PCDHGA1: variants seen among roughly 807,000 people sequenced by gnomAD.
PCDHGA1 encodes the protein protocadherin gamma-A1.
PCDHGA1 carries 32 observed loss-of-function variants against 58.0 expected under a neutral mutation model. The observed-to-expected ratio is 0.55, with a 90% confidence interval of 0.42 to 0.74. The LOEUF is 0.74. Ranked by LOEUF, PCDHGA1 falls within the 30% of genes least tolerant of loss-of-function variation. PCDHGA1 has a pLI of 0.00. For synonymous variants in PCDHGA1, 498 were observed against 501.1 expected (o/e 0.99, Z 0.08); for missense variants, 1,205 against 1,182.3 (o/e 1.02, Z -0.28).
At position 141,413,701 on chromosome 5, in the gene PCDHGA1, C is replaced by T. The variant is rs764950275; in HGVS notation, c.2421+80596C>T. 1.1e-4 allele frequency: 177 copies of T among 1,613,654 alleles called. No individual in the cohort carries two copies. The Admixed American group carries it at 2.9e-3, about 27-fold the overall frequency. On this transcript the variant is annotated intron_variant, in intron 1 of 3. Coordinates refer to ENST00000517417, the MANE Select transcript of PCDHGA1 (RefSeq NM_018912.3). ...CGTGAACTCCCTGCAGAGCTATCAG[C>T]TCAGCCCCAATAAGCACTTCTCCCT...
At chr5:141,496,048 G>A (rs1327057788) in intron 2 of PCDHGA1, among the ~76,000 whole-genome samples, 1 of 148,400 alleles carries the variant, frequency 6.7e-6, no homozygotes, top group Non-Finnish European at 1.5e-5. Context: ...TCATTTTTTT[G>A]TGCTTGTGGG....
chr5:141,381,720 T>G (rs1777381403), intron 1 of PCDHGA1, among the ~76,000 whole-genome samples: 1 of 152,132 alleles, frequency 6.6e-6, no homozygotes, highest in Non-Finnish European at 1.5e-5. Context: ...CTCACAAGAC[T>G]GGGAGTGAGA....
At chr5:141,420,634 G>A (rs891111955) in intron 1 of PCDHGA1, among the ~76,000 whole-genome samples, 2 of 152,080 alleles carry the variant, frequency 1.3e-5, no homozygotes, top group African/African-American at 4.8e-5. Context: ...CTCAATAAAG[G>A]AACCTTGTAA....
At chr5:141,461,963 C>T (rs1396490046) in intron 1 of PCDHGA1, among the ~76,000 whole-genome samples, 1 of 152,084 alleles carries the variant, frequency 6.6e-6, no homozygotes, top group Non-Finnish European at 1.5e-5. Flanking sequence ...AGCTGGGATT[C>T]CAGGCATATG....
chr5:141,406,253 C>CA (rs2094783585), intron 1 of PCDHGA1, among the ~76,000 whole-genome samples: 1 of 151,976 alleles, frequency 6.6e-6, no homozygotes, highest in Admixed American at 6.6e-5. Flanking sequence ...AGACTGGTCT[C>CA]AAACGATCTT....
At position 141,355,337 on chromosome 5, in the gene PCDHGA1, G is replaced by A. The variant is rs368596451; in HGVS notation, c.2421+22232G>A. 5.6e-6 allele frequency: 9 copies of A among 1,613,898 alleles called. No homozygotes were observed. The African/African-American group carries it at 1.1e-4, about 19-fold the overall frequency. ...GAGCAGGAAGAAGGCTCAGTGGTGG[G>A]CAACATCGCCAAGGACCTGGGGTTG... On this transcript the variant is annotated intron_variant, in intron 1 of 3. Transcript: ENST00000517417.
chr5:141,393,043 T>C (rs770560068), intron 1 of PCDHGA1: 1 of 1,613,732 alleles, frequency 6.2e-7, no homozygotes, highest in South Asian at 1.1e-5. Context: ...CTCTTTGCTC[T>C]GAACCCGCGC....
In PCDHGA1 at chr5:141,485,865, C is replaced by T. The variant is rs1214425261; in HGVS notation, c.2422-8942C>T. The stretch of plus-strand genomic sequence containing the variant: ...TCTGGCACCGCAGAGCTCCGGGTAT[C>T]CGTGCTGGACGTAAACGACAACGCC... On this transcript the variant is annotated intron_variant, in intron 1 of 3. Transcript: ENST00000517417. The surrounding 1 kb of genome is among the most constrained non-coding windows in gnomAD (Gnocchi z 5.7). 23 of 1,614,182 alleles carry T rather than the reference C, an allele frequency of 1.4e-5. No homozygotes were observed. Among genetic ancestry groups the T allele is most frequent in the Non-Finnish European group, 1.8e-5 (21 of 1,180,034 alleles).
At chr5:141,495,015 G>C in intron 2 of PCDHGA1, 150 bp downstream of exon 2, 2 of 1,507,428 alleles carry the variant, frequency 1.3e-6, no homozygotes, top group East Asian at 4.9e-5. Flanking sequence ...CGGGGGGCTG[G>C]CACACAGACC....
Position 141,413,878 on chromosome 5 carries a change from A to G in PCDHGA1, c.2421+80773A>G, listed in dbSNP as rs752517949. ...ATCTGGCACTGTCCTTGTCAGTGTGACTGTCTTCGATGCAAATGACAACGC... is the reference window on the plus strand; with the variant it reads ...ATCTGGCACTGTCCTTGTCAGTGTGGCTGTCTTCGATGCAAATGACAACGC... On this transcript the variant is annotated intron_variant, in intron 1 of 3. Coordinates refer to ENST00000517417, the MANE Select transcript of PCDHGA1 (RefSeq NM_018912.3). 2.5e-6 allele frequency: 4 copies of G among 1,613,272 alleles called. No individual in the cohort carries two copies. The South Asian group carries it at 3.3e-5, about 13-fold the overall frequency.
At chr5:141,458,803 G>A (rs2098953701) in intron 1 of PCDHGA1, among the ~76,000 whole-genome samples, 2 of 152,130 alleles carry the variant, frequency 1.3e-5, no homozygotes, top group African/African-American at 4.8e-5. Flanking sequence ...TGTGATCTCA[G>A]CTCACTGCAA....
chr5:141,423,101 G>A (rs757127033), intron 1 of PCDHGA1: 3 of 1,613,966 alleles, frequency 1.9e-6, no homozygotes, highest in South Asian at 1.1e-5. Context: ...GAGCACACGG[G>A]CGAGGTGCGT....
At chr5:141,414,748 G>T (rs765780935) in intron 1 of PCDHGA1, 1 of 1,614,182 alleles carries the variant, frequency 6.2e-7, no homozygotes, top group South Asian at 1.1e-5. Context: ...CAGATCCTTC[G>T]ACTATGAGCA....
intron 1 of PCDHGA1, chr5:141,384,091 A>G: frequency 3.1e-6 from 5 of 1,595,856 alleles, no homozygotes; most frequent in South Asian, 1.1e-5. Flanking sequence ...AGAAAAATCA[A>G]TAGATAATTA....
At chr5:141,425,413 T>G (rs2096873899) in intron 1 of PCDHGA1, among the ~76,000 whole-genome samples, 1 of 152,202 alleles carries the variant, frequency 6.6e-6, no homozygotes, top group African/African-American at 2.4e-5. Context: ...AGGTATAACA[T>G]ATAGTCCCAT....
chr5:141,426,756 G>A, intron 1 of PCDHGA1: 1 of 456,302 alleles, frequency 2.2e-6, no homozygotes. Context: ...ATCTGCTATA[G>A]ATGCAGATGT....
Position 141,332,052 on chromosome 5 carries a change from C to T in PCDHGA1, c.1368C>T (p.Ser456=). 6.2e-7 allele frequency: 1 copy of T among 1,614,136 alleles called. No individual in the cohort carries two copies. Among genetic ancestry groups the T allele is most frequent in the Non-Finnish European group, 8.5e-7 (1 of 1,180,022 alleles). Residue 456 remains serine, a synonymous_variant, in exon 1 of 4, where the codon TCC becomes TCT. Transcript: ENST00000517417. This position sits in a 1 kb window ranked among gnomAD's most constrained non-coding sequence, Gnocchi z 4.6. ...ACTCCCCAGTCTTCCATCAGGACTC[C>T]TACTCTGCCTACATTCCCGAAAACA... The part of the protein sequence containing the change: ...NDNSPVFHQD[S]YSAYIPENNP...
chr5:141,394,302 C>T (rs1380425662), intron 1 of PCDHGA1: 1 of 1,614,010 alleles, frequency 6.2e-7, no homozygotes, highest in Non-Finnish European at 8.5e-7. Flanking sequence ...GGACACGCTG[C>T]AGGGGGCGCC....
intron 1 of PCDHGA1, chr5:141,346,052 C>G: frequency 6.2e-7 from 1 of 1,613,460 alleles, no homozygotes; most frequent in South Asian, 1.1e-5. Flanking sequence ...ACATCCTGGC[C>G]GACCTGGGCA....
Sources: gnomAD v4.1 joint callset for allele counts (sites outside exome capture counted in the v4.1 genomes callset) on GRCh38, gnomAD v4.1.1 for gene constraint, Gnocchi (gnomAD v3.1) non-coding constraint, MANE v1.5 for transcripts, NCBI Gene and HGNC (gene_info 2026-07-23, HGNC 2026-07-21) for gene names.